The following B4GALNT4 variants were observed in gnomAD, a reference collection of about 807,000 sequenced individuals.
B4GALNT4 encodes beta-1,4-N-acetyl-galactosaminyltransferase 4.
B4GALNT4 carries 77 observed loss-of-function variants against 110.0 expected under a neutral mutation model. The ratio of observed to expected loss-of-function variants is 0.70; its 90% CI spans 0.58 to 0.85. B4GALNT4 has a LOEUF of 0.85. Among genes scored for constraint, B4GALNT4 ranks in the 40% least tolerant of loss-of-function variants. The pLI, the probability that B4GALNT4 is intolerant of heterozygous loss-of-function variation, is 0.00. For missense variants in B4GALNT4, 1,575 were observed against 1,506.0 expected (o/e 1.05, Z -0.76); for synonymous variants, 785 against 655.5 (o/e 1.20, Z -3.02).
intron 14 of B4GALNT4, among the ~76,000 whole-genome samples, chr11:378,148 C>T (rs984869477): frequency 6.6e-6 from 1 of 151,444 alleles, no homozygotes; most frequent in Non-Finnish European, 1.5e-5. Flanking sequence ...TGGAAGGTTG[C>T]GAGCAGAGCA....
In B4GALNT4 at chr11:375,918, A is replaced by G. The variant is rs1846737044; in HGVS notation, c.1057A>G (p.Lys353Glu). ...CGCCTACGCCCCCACCTACGTGGTC[A>G]AGGACTTCCCGATCGCCAGATACCA... The part of the protein sequence containing the change: ...PCAYAPTYVV[K>E]DFPIARYQGL... Residue 353 changes from lysine (K) to glutamate (E), a missense_variant, in exon 11 of 20, where the codon AAG (lysine) becomes GAG (glutamate). Transcript: ENST00000329962. 1.9e-6 allele frequency: 3 copies of G among 1,612,026 alleles called. No individual in the cohort carries two copies. Among genetic ancestry groups the G allele is most frequent in the Non-Finnish European group, 2.5e-6 (3 of 1,179,592 alleles).
At chr11:371,625 C>T (rs1303331670) in intron 1 of B4GALNT4, among the ~76,000 whole-genome samples, 2 of 152,248 alleles carry the variant, frequency 1.3e-5, no homozygotes, top group African/African-American at 2.4e-5. Flanking sequence ...AGCTCAAATC[C>T]TTCAGGAGAG....
intron 13 of B4GALNT4, 35 bp downstream of exon 13, chr11:376,386 C>G: frequency 6.2e-7 from 1 of 1,603,550 alleles, no homozygotes; most frequent in Non-Finnish European, 8.5e-7. Flanking sequence ...CCGCACCCAC[C>G]TGCGCAGGGA....
In B4GALNT4 at chr11:380,744, G is replaced by A. The variant is rs79761549; in HGVS notation, c.2870-81G>A. On this transcript the variant is annotated intron_variant, in intron 18 of 19. Coordinates refer to ENST00000329962, the MANE Select transcript of B4GALNT4 (RefSeq NM_178537.5). ...TGGGACCCGGCACCTGACCCCTCCC[G>A]AGGTCTCCTAGCGGCGCTTTGCCGG... The A allele has an allele frequency of 9.9e-3, 15,974 of 1,605,708 alleles. 1,160 individuals carry two copies. The East Asian group carries it at 0.18, about 19-fold the overall frequency.
At chr11:374,022 G>C (rs988599649) in intron 8 of B4GALNT4, among the ~76,000 whole-genome samples, 194 bp downstream of exon 8, 2 of 152,174 alleles carry the variant, frequency 1.3e-5, no homozygotes, top group South Asian at 4.1e-4. Context: ...TTTGAGTAGA[G>C]TCTTGAGAGG....
At chr11:373,148 T>C in intron 5 of B4GALNT4, 32 bp downstream of exon 5, 1 of 1,611,536 alleles carries the variant, frequency 6.2e-7, no homozygotes, top group Non-Finnish European at 8.5e-7. Context: ...GGGGGAGGGG[T>C]GCCGTGAGGC....
At position 377,065 on chromosome 11, in the gene B4GALNT4, G is replaced by A. The variant is rs1447523792; in HGVS notation, c.1942G>A (p.Glu648Lys). The change falls in exon 14 of 20, where the codon GAA becomes AAA. Residue 648 changes from glutamate to lysine, a missense_variant. Coordinates refer to ENST00000329962, the MANE Select transcript of B4GALNT4 (RefSeq NM_178537.5). ...QLPGEGEEEEEGEDDGAPGDE... is the reference protein window; with the variant it reads ...QLPGEGEEEEKGEDDGAPGDE... ...GCCCGGGGAGGGCGAAGAGGAGGAG[G>A]AAGGGGAGGACGATGGGGCCCCGGG... is the stretch of plus-strand genomic sequence containing the variant. The A allele has an allele frequency of 1.4e-6, 2 of 1,444,078 alleles. No individual in the cohort carries two copies. The highest frequency in any genetic ancestry group is 2.7e-5 in the East Asian group (1 of 36,792). 89.5% of individuals were successfully genotyped at this position (1,444,078 alleles called of 1,614,324 possible).
Position 375,753 on chromosome 11 carries a change from C to T in B4GALNT4, c.965C>T (p.Pro322Leu). 1 of 1,596,732 alleles carries T rather than the reference C, an allele frequency of 6.3e-7. No individual in the cohort carries two copies. The highest frequency in any genetic ancestry group is 8.5e-7 in the Non-Finnish European group (1 of 1,175,192). The change falls in exon 10 of 20, where the codon CCC becomes CTC. Residue 322 changes from proline (P) to leucine (L), a missense_variant. Physicochemically the swap from Pro to Leu is moderately conservative, Grantham distance 98. Transcript: ENST00000329962. The stretch of plus-strand genomic sequence containing the variant: ...AGCGCAGACATGCTGCGGCCAGATC[C>T]CAGGGATACCTTTTTCCTCAGTGAG... ...ETSADMLRPD[P>L]RDTFFLTPRM...
In B4GALNT4 at chr11:379,648, G is replaced by A. The variant is rs1383962298; in HGVS notation, c.2435G>A (p.Arg812Gln). Reference sequence around the variant, plus strand: ...CCCGACGGCCGCCCCGAGCTCTGCCGGCCACTGCGCCTGGCCTGGCGCCAG... The same window carrying A: ...CCCGACGGCCGCCCCGAGCTCTGCCAGCCACTGCGCCTGGCCTGGCGCCAG... ...VRPDGRPELC[R>Q]PLRLAWRQDV... Residue 812 changes from arginine (R) to glutamine (Q), a missense_variant, in exon 15 of 20, where the codon CGG (arginine) becomes CAG (glutamine). Physicochemically the swap from Arg to Gln is conservative, Grantham distance 43 (BLOSUM62 1). Coordinates refer to ENST00000329962, the MANE Select transcript of B4GALNT4 (RefSeq NM_178537.5). The A allele has an allele frequency of 2.0e-6, 3 of 1,506,062 alleles. No homozygotes were observed. Among genetic ancestry groups the A allele is most frequent in the Non-Finnish European group, 1.8e-6 (2 of 1,131,440 alleles). The allele number at this position is 1,506,062 out of a possible 1,614,324, so 93.3% of individuals were successfully genotyped here.
At position 379,971 on chromosome 11, in the gene B4GALNT4, G is replaced by A. The variant is rs1846839282; in HGVS notation, c.2594G>A (p.Ser865Asn). Reference protein sequence around the residue: ...RFSVVLVDFESEDMDVERALR... With the variant: ...RFSVVLVDFENEDMDVERALR... ...AGCGTCGTCCTGGTGGATTTCGAGA[G>A]CGAGGATATGGACGTGGAGCGGGCC... The change falls in exon 16 of 20, where the codon AGC (serine) becomes AAC (asparagine). Residue 865 changes from serine to asparagine, a missense_variant. By Grantham distance (46) the Ser-to-Asn change is conservative. Transcript: ENST00000329962. The A allele has an allele frequency of 1.9e-6, 3 of 1,612,824 alleles. No individual in the cohort carries two copies. Among genetic ancestry groups the A allele is most frequent in the Non-Finnish European group, 1.7e-6 (2 of 1,179,870 alleles).
Position 372,651 on chromosome 11 carries a change from C to T in B4GALNT4, c.256-11C>T, listed in dbSNP as rs1299302805. ...TCCAACCCTGACCCTGTTGCCTTTT[C>T]TCTCCTGCAGCCCGAAGGTCGGGAC... On this transcript the variant is annotated splice_polypyrimidine_tract_variant and intron_variant, in intron 2 of 19. Coordinates refer to ENST00000329962, the MANE Select transcript of B4GALNT4 (RefSeq NM_178537.5). The T allele has an allele frequency of 6.2e-7, 1 of 1,610,104 alleles. No individual in the cohort carries two copies.
rs532478994 is a variant in B4GALNT4, at chr11:377,265, G to A, written c.2142G>A (p.Pro714=). The change falls in exon 14 of 20, where the codon CCG becomes CCA. Residue 714 remains proline, a synonymous_variant. Coordinates refer to ENST00000329962, the MANE Select transcript of B4GALNT4 (RefSeq NM_178537.5). ...ACGTTTCGGGGAACCTGCAGCTGCC[G>A]GAGGCGGAGGCCGTGGACGTGACCG... ...RCNVSGNLQL[P]EAEAVDVTAQ... is the part of the protein sequence containing the mutation. 2.2e-5 allele frequency: 35 copies of A among 1,594,396 alleles called. No individual in the cohort carries two copies. The highest frequency in any genetic ancestry group is 6.8e-5 in the East Asian group (3 of 43,874).
rs372406304 is a variant in B4GALNT4 at position 373,983 on chromosome 11, G to A, written c.783+155G>A. Among the ~76,000 whole-genome samples, 378 of 152,268 alleles carry A rather than the reference G, an allele frequency of 2.5e-3. 5 individuals carry two copies. The highest frequency in any genetic ancestry group is 6.1e-3 in the African/African-American group (252 of 41,552). ...GAGGGTCTGCTCTGCCCTCCTGGGG[G>A]GCTCGGTGAGGCTTCACTAGGAGTC... On this transcript the variant is annotated intron_variant, in intron 8 of 19. Coordinates refer to ENST00000329962, the MANE Select transcript of B4GALNT4 (RefSeq NM_178537.5).
intron 14 of B4GALNT4, among the ~76,000 whole-genome samples, chr11:379,191 G>T (rs1011433263): frequency 4.6e-5 from 7 of 152,216 alleles, no homozygotes; most frequent in African/African-American, 7.2e-5. Context: ...AGGTGAGGAT[G>T]GGCCTGGGCT....
chr11:375,608 TGA>T lies in B4GALNT4; in HGVS notation c.851-29_851-28del, dbSNP rs146863716. 3.6e-4 allele frequency: 583 copies of T among 1,597,654 alleles called. 2 individuals are homozygous for T. In the African/African-American group the frequency reaches 7.3e-3, roughly 20 times the overall value. On this transcript the variant is annotated intron_variant, in intron 9 of 19. Coordinates refer to ENST00000329962, the MANE Select transcript of B4GALNT4 (RefSeq NM_178537.5). ...AGTGGGAAGAGTGGAGGAGGGGGTC[TGA>T]GCACTCCCTGGAACTCTTCTGCCCC...
chr11:373,383 T>C, intron 6 of B4GALNT4, 66 bp from the exon 7 acceptor site: 1 of 1,552,724 alleles, frequency 6.4e-7, no homozygotes. Flanking sequence ...ACCCGATGGG[T>C]TTGGTGTCCC....
At chr11:380,050 C>T (rs1846841472) in intron 16 of B4GALNT4, 31 bp downstream of exon 16, 1 of 1,604,720 alleles carries the variant, frequency 6.2e-7, no homozygotes, top group African/African-American at 1.3e-5. Context: ...CTGGGCGGAC[C>T]CAGCGCAGCT....
chr11:381,133 C>T (rs913600151), intron 19 of B4GALNT4, 182 bp downstream of exon 19: 6 of 985,226 alleles, frequency 6.1e-6, no homozygotes, highest in Middle Eastern at 5.2e-4. Context: ...TTCTGAAACC[C>T]TGTCCCACCC....
Position 376,952 on chromosome 11 carries a change from C to A in B4GALNT4, c.1829C>A (p.Ala610Glu). The change falls in exon 14 of 20, where the codon GCG (alanine) becomes GAG (glutamate). Residue 610 changes from alanine to glutamate, a missense_variant. By Grantham distance (107) the Ala-to-Glu change is moderately radical. Coordinates refer to ENST00000329962, the MANE Select transcript of B4GALNT4 (RefSeq NM_178537.5). The stretch of plus-strand genomic sequence containing the variant: ...GGCCAGGCGCGCACGCTGGGACCTG[C>A]GGCGCCCACAGTGGACTCAAACTTG... ...REGQARTLGP[A>E]APTVDSNLSS... The A allele has an allele frequency of 6.9e-7, 1 of 1,447,050 alleles. No individual in the cohort carries two copies. Among genetic ancestry groups the A allele is most frequent in the South Asian group, 1.4e-5 (1 of 69,110 alleles). The allele number at this position is 1,447,050 out of a possible 1,614,324, so 89.6% of individuals were successfully genotyped here. A position where few individuals can be genotyped will look rare whatever the true frequency, so the allele number is the denominator to read the frequency against.
Sources: allele counts gnomAD v4.1 joint callset (sites outside exome capture counted in the v4.1 genomes callset), GRCh38; gene constraint gnomAD v4.1.1; transcripts MANE v1.5; gene names NCBI Gene and HGNC (gene_info 2026-07-23, HGNC 2026-07-21).